The following NFASC variants were observed in gnomAD, a reference collection of about 807,000 sequenced individuals.
NFASC encodes the protein neurofascin homolog.
NFASC carries 43 observed loss-of-function variants against 147.5 expected under a neutral mutation model. The observed-to-expected ratio is 0.29, with a 90% CI of 0.23 to 0.38. The LOEUF is 0.38. NFASC is among the 10% of genes least tolerant of loss of function. The pLI is 1.00. For missense variants in NFASC, 1,320 were observed against 1,689.0 expected (o/e 0.78, Z 3.83); for synonymous variants, 622 against 665.5 (o/e 0.93, Z 1.01).
chr1:204,931,139 G>T lies in NFASC; in HGVS notation c.-91+10399G>T, dbSNP rs566851707. On this transcript the variant is annotated intron_variant, in intron 2 of 29. Coordinates refer to ENST00000339876, the MANE Select transcript of NFASC (RefSeq NM_001005388.3). ...TATTATAATGTTAATAACCTGAGCT[G>T]CTCTGCAAACATTATTACTTTGTAT... 9.2e-5 allele frequency among the ~76,000 whole-genome samples: 14 copies of T among 152,234 alleles called. No homozygotes were observed. In the South Asian group the frequency reaches 2.7e-3, roughly 29 times the overall value.
At chr1:204,942,352 G>A (rs2093415816) in intron 2 of NFASC, among the ~76,000 whole-genome samples, 1 of 152,188 alleles carries the variant, frequency 6.6e-6, no homozygotes, top group African/African-American at 2.4e-5. Context: ...TACCGAGGGA[G>A]CTGGTAGAAG....
At position 204,988,743 on chromosome 1, in the gene NFASC, G is replaced by T. The variant is rs751135495; in HGVS notation, c.2704G>T (p.Ala902Ser). ...GTCACGCTACCGCTTTACCCTCAGC[G>T]CCAGGACGCAGGTGGGCTCTGGGGA... Reference protein sequence around the residue: ...PVSRYRFTLSARTQVGSGEAV... With the variant: ...PVSRYRFTLSSRTQVGSGEAV... Residue 902 changes from alanine (A) to serine (S), a missense_variant, in exon 23 of 30, where the codon GCC (alanine) becomes TCC (serine). Ala to Ser is a moderately conservative substitution (Grantham distance 99). Around this residue, in one of 3 missense-constraint regions of NFASC, gnomAD observed 981 missense variants for 1,289.5 expected, o/e 0.76. Transcript: ENST00000339876. 2.5e-6 allele frequency: 4 copies of T among 1,614,218 alleles called. No individual in the cohort carries two copies. The highest frequency in any genetic ancestry group is 3.4e-6 in the Non-Finnish European group (4 of 1,180,034).
intron 1 of NFASC, among the ~76,000 whole-genome samples, chr1:204,873,612 C>G (rs138234706): frequency 6.6e-6 from 1 of 152,286 alleles, no homozygotes; most frequent in South Asian, 2.1e-4. Flanking sequence ...GGGAAGGCTT[C>G]GTTCTTTACC....
chr1:204,964,908 C>A (rs575703568), intron 8 of NFASC, among the ~76,000 whole-genome samples: 13 of 152,288 alleles, frequency 8.5e-5, no homozygotes, highest in African/African-American at 3.1e-4. Context: ...AAGAGATGAT[C>A]AAGAGGCATT....
At chr1:204,953,438 C>T (rs2094245552) in intron 5 of NFASC, among the ~76,000 whole-genome samples, 1 of 152,230 alleles carries the variant, frequency 6.6e-6, no homozygotes, top group Non-Finnish European at 1.5e-5. Flanking sequence ...GCTGGGACTA[C>T]AGGCACCCGC....
intron 2 of NFASC, among the ~76,000 whole-genome samples, chr1:204,936,718 C>T (rs897364907): frequency 3.3e-5 from 5 of 152,206 alleles, no homozygotes; most frequent in Non-Finnish European, 5.9e-5. Flanking sequence ...TGACATTCTG[C>T]CCTCCATGTG....
intron 1 of NFASC, among the ~76,000 whole-genome samples, chr1:204,845,873 C>T (rs537320443): frequency 1.8e-4 from 27 of 151,784 alleles, no homozygotes; most frequent in East Asian, 3.9e-4. Context: ...CTGCACACCG[C>T]GTGTGTGGTA....
chr1:204,991,629 G>A (rs890818505), intron 24 of NFASC, among the ~76,000 whole-genome samples: 19 of 152,336 alleles, frequency 1.2e-4, no homozygotes, highest in Admixed American at 5.2e-4. Context: ...ATTACTTCCC[G>A]TTAACCACCT....
rs200105506 is a variant in NFASC at position 204,975,429 on chromosome 1, C to G, written c.1706+11C>G. ...CTATATTGGAAACAGGTTTCTCTTCCCCCTTCCCCCTTCCTAGTGCTAGTT... is the reference window on the plus strand; with the variant it reads ...CTATATTGGAAACAGGTTTCTCTTCGCCCTTCCCCCTTCCTAGTGCTAGTT... On this transcript the variant is annotated intron_variant, in intron 15 of 29. Coordinates refer to ENST00000339876, the MANE Select transcript of NFASC (RefSeq NM_001005388.3). This position sits in a 1 kb window ranked among gnomAD's most constrained non-coding sequence, Gnocchi z 4.0. 6.2e-7 allele frequency: 1 copy of G among 1,602,714 alleles called. No individual in the cohort carries two copies. The highest frequency in any genetic ancestry group is 2.2e-5 in the East Asian group (1 of 44,530).
rs570553442 is a variant in NFASC, at chr1:204,890,030, C to T, written c.-199-30602C>T. 4.8e-4 allele frequency among the ~76,000 whole-genome samples: 73 copies of T among 152,234 alleles called. No homozygotes were observed. The South Asian group carries it at 0.013, about 28-fold the overall frequency. ...CTGTAACAAAGTCATCAAATGAGAC[C>T]AAAAAGGTCTTTGTGGGCCTCCCCT... On this transcript the variant is annotated intron_variant, in intron 1 of 29. Transcript: ENST00000339876.
At chr1:204,842,503 G>A (rs1461111111) in intron 1 of NFASC, among the ~76,000 whole-genome samples, 1 of 152,026 alleles carries the variant, frequency 6.6e-6, no homozygotes, top group Non-Finnish European at 1.5e-5. Context: ...TCCCATTTTT[G>A]AGTGTACATG....
intron 2 of NFASC, among the ~76,000 whole-genome samples, chr1:204,933,265 ACATGTATGTGAAAGGTGAG>A (rs2092528352): frequency 6.6e-6 from 1 of 152,188 alleles, no homozygotes; most frequent in Non-Finnish European, 1.5e-5. Flanking sequence ...AGTGTATGAG[ACATGTATGTGAAAGGTGAG>A]ATGGGGAGAA....
At chr1:204,957,551 T>G in intron 7 of NFASC, 105 bp from the exon 8 acceptor site, 1 of 1,014,704 alleles carries the variant, frequency 9.9e-7, no homozygotes, top group Non-Finnish European at 1.5e-6. Flanking sequence ...GTCAAGCTCC[T>G]GGTCGCCACC....
chr1:204,982,504 C>T (rs2095528339), intron 21 of NFASC, among the ~76,000 whole-genome samples: 1 of 152,218 alleles, frequency 6.6e-6, no homozygotes, highest in African/African-American at 2.4e-5. Flanking sequence ...GATCAGGAGG[C>T]CTCCTCAGCA....
intron 1 of NFASC, among the ~76,000 whole-genome samples, chr1:204,894,187 A>G (rs2082957958): frequency 6.6e-6 from 1 of 152,204 alleles, no homozygotes. Flanking sequence ...TTAAAAAAAT[A>G]TTTGTCAAAA....
chr1:204,999,700 C>T (rs1181515246), intron 25 of NFASC: 8 of 152,196 alleles, frequency 5.3e-5, no homozygotes, highest in Non-Finnish European at 8.8e-5. Context: ...GGGCAACCAA[C>T]GCCTGACAGA....
intron 1 of NFASC, among the ~76,000 whole-genome samples, chr1:204,898,924 T>C (rs2083944419): frequency 6.6e-6 from 1 of 152,216 alleles, no homozygotes; most frequent in African/African-American, 2.4e-5. Flanking sequence ...AAAGCTATTC[T>C]AAAGCTATTT....
intron 25 of NFASC, chr1:205,000,886 A>G (rs1414391075): frequency 2.0e-6 from 1 of 490,476 alleles, no homozygotes; most frequent in Non-Finnish European, 3.7e-6. Flanking sequence ...CTATGTGGAC[A>G]CAGTCAGTTT....
At chr1:204,846,478 A>G (rs1482967375) in intron 1 of NFASC, among the ~76,000 whole-genome samples, 1 of 152,156 alleles carries the variant, frequency 6.6e-6, no homozygotes, top group African/African-American at 2.4e-5. Context: ...GGGTGGGGCC[A>G]TGCCATGGTA....
Sources: gnomAD v4.1 joint callset for allele counts (sites outside exome capture counted in the v4.1 genomes callset) on GRCh38, gnomAD v4.1.1 for gene constraint, gnomAD v4.1.1 regional missense constraint, Gnocchi (gnomAD v3.1) non-coding constraint, MANE v1.5 for transcripts, NCBI Gene and HGNC (gene_info 2026-07-23, HGNC 2026-07-21) for gene names.